Variants in SHROOM3 observed in about 807,000 individuals in gnomAD.
The protein encoded by SHROOM3 is protein Shroom3.
A neutral mutation model predicts 138.6 loss-of-function variants in SHROOM3; 47 were observed. That is an observed-to-expected ratio of 0.34 (90% CI 0.27 to 0.43). The LOEUF is 0.43. Among genes scored for constraint, SHROOM3 ranks in the 20% least tolerant of loss-of-function variants. The pLI is 1.00. For missense variants in SHROOM3, 2,491 were observed against 2,596.5 expected (o/e 0.96, Z 0.88); for synonymous variants, 1,062 against 1,063.3 (o/e 1.00, Z 0.02).
At chr4:76,720,151 G>GTTTTTTT (rs59839066) in intron 3 of SHROOM3, among the ~76,000 whole-genome samples, 8 of 83,018 alleles carry the variant, frequency 9.6e-5, no homozygotes, top group Admixed American at 1.5e-4. Context: ...TGTTTTTTAG[G>GTTTTTTT]TTTTTTTTTT....
intron 10 of SHROOM3, among the ~76,000 whole-genome samples, chr4:76,773,382 A>G (rs1722437929): frequency 1.3e-5 from 2 of 151,922 alleles, no homozygotes; most frequent in African/African-American, 4.8e-5. Context: ...AGAAAAAAAA[A>G]AAAAAAAAAG....
intron 2 of SHROOM3, among the ~76,000 whole-genome samples, chr4:76,681,602 T>TGG (rs1171184699): frequency 7.9e-6 from 1 of 126,386 alleles, no homozygotes; most frequent in East Asian, 2.6e-4. Flanking sequence ...AGGGTGTGTG[T>TGG]GTGTGTGTGT....
At chr4:76,462,176 G>C (rs1731153919) in intron 1 of SHROOM3, among the ~76,000 whole-genome samples, 1 of 152,084 alleles carries the variant, frequency 6.6e-6, no homozygotes, top group Non-Finnish European at 1.5e-5. Context: ...ATCACTTGAG[G>C]TCAGAAGTTC....
Position 76,661,307 on chromosome 4 carries a change from A to G in SHROOM3, c.324-48849A>G, listed in dbSNP as rs976018398. On this transcript the variant is annotated intron_variant, in intron 2 of 10. Transcript: ENST00000296043. ...GTGCAATGGCGCGATCTCGGCTCAC[A>G]CAAGCTCCACCTCCTGGGTTCACGC... Among the ~76,000 whole-genome samples the G allele has an allele frequency of 6.8e-4, 103 of 150,694 alleles. 1 individual carries two copies. Among genetic ancestry groups the G allele is most frequent in the African/African-American group, 2.3e-3 (96 of 40,924 alleles).
chr4:76,701,973 T>A (rs146564057), intron 2 of SHROOM3, among the ~76,000 whole-genome samples: 1 of 152,332 alleles, frequency 6.6e-6, no homozygotes, highest in East Asian at 1.9e-4. Flanking sequence ...TAATAAACAT[T>A]AATTGTAAAC....
chr4:76,624,142 A>T (rs1295702200), intron 2 of SHROOM3, among the ~76,000 whole-genome samples: 1 of 152,242 alleles, frequency 6.6e-6, no homozygotes, highest in Non-Finnish European at 1.5e-5. Context: ...AATTAAAATG[A>T]TCATAAAACC....
At chr4:76,622,388 A>G (rs1311068056) in intron 2 of SHROOM3, among the ~76,000 whole-genome samples, 1 of 152,042 alleles carries the variant, frequency 6.6e-6, no homozygotes, top group African/African-American at 2.4e-5. Flanking sequence ...GGCCCTTCTC[A>G]GCAACGGAAC....
rs1721733682 is a variant in SHROOM3 at position 76,754,424 on chromosome 4, G to A, written c.3941G>A (p.Ser1314Asn). The A allele has an allele frequency of 2.5e-6, 4 of 1,614,022 alleles. No individual in the cohort carries two copies. The South Asian group carries it at 4.4e-5, about 18-fold the overall frequency. The part of the protein sequence containing the change: ...CKAIGDSSVP[S>N]ECPGTLDHQR... ...GCCATTGGTGATTCCTCCGTTCCTAGTGAATGTCCTGGAACCCTGGACCAT... is the reference window on the plus strand; with the variant it reads ...GCCATTGGTGATTCCTCCGTTCCTAATGAATGTCCTGGAACCCTGGACCAT... The change falls in exon 7 of 11, where the codon AGT (serine) becomes AAT (asparagine). Residue 1314 changes from serine (S) to asparagine (N), a missense_variant. This residue lies in a region of SHROOM3 where 1,733 missense variants were observed against 1,661.6 expected (regional missense o/e 1.04). Transcript: ENST00000296043.
intron 3 of SHROOM3, chr4:76,716,270 T>C: frequency 1.9e-6 from 1 of 516,818 alleles, no homozygotes; most frequent in Non-Finnish European, 3.9e-6. Context: ...TGGAGGCACA[T>C]GTAGTACTTG....
intron 1 of SHROOM3, among the ~76,000 whole-genome samples, chr4:76,530,000 T>C (rs888233447): frequency 1.4e-4 from 21 of 152,348 alleles, no homozygotes; most frequent in Admixed American, 7.2e-4. Flanking sequence ...CTTTGCTTCT[T>C]ATTAATTTTG....
intron 5 of SHROOM3, among the ~76,000 whole-genome samples, chr4:76,748,028 A>G (rs1444309698): frequency 6.6e-6 from 1 of 152,228 alleles, no homozygotes; most frequent in Non-Finnish European, 1.5e-5. Flanking sequence ...TTCCAGGCAT[A>G]TAATTTGTTG....
chr4:76,541,709 C>T (rs2110021060), intron 1 of SHROOM3, among the ~76,000 whole-genome samples: 1 of 152,238 alleles, frequency 6.6e-6, no homozygotes, highest in East Asian at 1.9e-4. Context: ...CCCCTCCACA[C>T]ATTTCAAGAG....
intron 2 of SHROOM3, among the ~76,000 whole-genome samples, chr4:76,576,794 A>G (rs1281981607): frequency 6.6e-6 from 1 of 152,156 alleles, no homozygotes; most frequent in Non-Finnish European, 1.5e-5. Context: ...AACCACAAAA[A>G]TTAAAAATTA....
In SHROOM3 at chr4:76,693,370, G is replaced by GT. The variant is rs10648549; in HGVS notation, c.324-16763dup. On this transcript the variant is annotated intron_variant, in intron 2 of 10. Coordinates refer to ENST00000296043, the MANE Select transcript of SHROOM3 (RefSeq NM_020859.4). ...TGCATACCTTCATTTTGATAAGTTT[G>GT]TTTTTTTTTTTTTTTTTTTTTTTAA... 4.4e-3 allele frequency among the ~76,000 whole-genome samples: 348 copies of GT among 79,816 alleles called. 12 individuals are homozygous for GT. The highest frequency in any genetic ancestry group is 4.7e-3 in the Non-Finnish European group (207 of 44,448). 52.4% of individuals were successfully genotyped at this position (79,816 alleles called of 152,430 possible). A position where few individuals can be genotyped will look rare whatever the true frequency, so the allele number is the denominator to read the frequency against.
At chr4:76,746,720 T>G (rs1487626863) in intron 5 of SHROOM3, among the ~76,000 whole-genome samples, 1 of 151,634 alleles carries the variant, frequency 6.6e-6, no homozygotes, top group Non-Finnish European at 1.5e-5. Flanking sequence ...GACAGAGATA[T>G]TGAGATAACT....
chr4:76,569,619 T>C (rs975065275), intron 2 of SHROOM3, among the ~76,000 whole-genome samples: 6 of 152,218 alleles, frequency 3.9e-5, no homozygotes, highest in Non-Finnish European at 5.9e-5. Flanking sequence ...GGGATGTTCA[T>C]GTTTTGTTAG....
chr4:76,706,190 CTG>C (rs747105811), intron 2 of SHROOM3, among the ~76,000 whole-genome samples: 50 of 152,112 alleles, frequency 3.3e-4, no homozygotes, highest in Non-Finnish European at 6.0e-4. Flanking sequence ...GCTCAGCTCA[CTG>C]CAACCTCTAC....
chr4:76,616,880 G>A (rs1219980922), intron 2 of SHROOM3, among the ~76,000 whole-genome samples: 2 of 152,146 alleles, frequency 1.3e-5, no homozygotes, highest in Admixed American at 6.5e-5. Context: ...ACAATAATTG[G>A]TCTACCAATT....
At chr4:76,642,007 C>T (rs1735684760) in intron 2 of SHROOM3, among the ~76,000 whole-genome samples, 1 of 152,044 alleles carries the variant, frequency 6.6e-6, no homozygotes. Context: ...TTTTGATCAG[C>T]CAGGAAGGCA....
Sources: gnomAD v4.1 joint callset for allele counts (sites outside exome capture counted in the v4.1 genomes callset) on GRCh38, gnomAD v4.1.1 for gene constraint, gnomAD v4.1.1 regional missense constraint, MANE v1.5 for transcripts, NCBI Gene and HGNC (gene_info 2026-07-23, HGNC 2026-07-21) for gene names.